The following NCKAP5 variants were observed in gnomAD, a reference collection of about 807,000 sequenced individuals.
NCKAP5 encodes NCK associated protein 5.
NCKAP5 carries 92 observed loss-of-function variants against 167.0 expected under a neutral mutation model. The ratio of observed to expected loss-of-function variants is 0.55; its 90% CI spans 0.47 to 0.66. The LOEUF (loss-of-function observed/expected upper bound fraction) is 0.66. Among genes scored for constraint, NCKAP5 ranks in the 30% least tolerant of loss-of-function variants. The pLI is 0.00. For missense variants in NCKAP5, 2,378 were observed against 2,315.0 expected (o/e 1.03, Z -0.56); for synonymous variants, 891 against 877.4 (o/e 1.02, Z -0.27).
chr2:133,345,720 C>T (rs567607369), intron 3 of NCKAP5, among the ~76,000 whole-genome samples: 1 of 152,176 alleles, frequency 6.6e-6, no homozygotes, highest in South Asian at 2.1e-4. Flanking sequence ...TTGTGATCTG[C>T]TTGTGGGGTG....
At chr2:133,561,561 T>C (rs1688160198) in intron 1 of NCKAP5, among the ~76,000 whole-genome samples, 1 of 152,192 alleles carries the variant, frequency 6.6e-6, no homozygotes, top group African/African-American at 2.4e-5. Context: ...TTCATGAGAC[T>C]ATAAAACCAA....
At chr2:133,374,434 C>T (rs181505359) in intron 3 of NCKAP5, among the ~76,000 whole-genome samples, 9 of 152,268 alleles carry the variant, frequency 5.9e-5, no homozygotes, top group Non-Finnish European at 1.0e-4. Context: ...ATTTGTCCAA[C>T]TCATAGAATG....
intron 6 of NCKAP5, among the ~76,000 whole-genome samples, chr2:133,031,727 A>G (rs547233701): frequency 6.6e-6 from 1 of 151,980 alleles, no homozygotes; most frequent in East Asian, 1.9e-4. Flanking sequence ...TGAGGAGAGG[A>G]GAGGGAAGAG....
chr2:132,808,313 G>A (rs1314405344), intron 11 of NCKAP5, among the ~76,000 whole-genome samples: 1 of 152,010 alleles, frequency 6.6e-6, no homozygotes, highest in African/African-American at 2.4e-5. Context: ...GTTTCTTGTG[G>A]AATAGTGTCA....
the NCKAP5 span, among the ~76,000 whole-genome samples, chr2:133,585,256 T>C: frequency 6.6e-6 from 1 of 152,242 alleles, no homozygotes; most frequent in Non-Finnish European, 1.5e-5. Flanking sequence ...ATACAAACTA[T>C]GTCCTAGGAC....
chr2:133,275,846 T>G (rs974742532), intron 4 of NCKAP5, among the ~76,000 whole-genome samples: 1 of 150,618 alleles, frequency 6.6e-6, no homozygotes, highest in Non-Finnish European at 1.5e-5. Flanking sequence ...AACTTAATCA[T>G]GAAAAAAATG....
At chr2:133,530,793 C>A (rs1685299679) in intron 2 of NCKAP5, among the ~76,000 whole-genome samples, 1 of 152,110 alleles carries the variant, frequency 6.6e-6, no homozygotes, top group Non-Finnish European at 1.5e-5. Flanking sequence ...CTCTATGAAC[C>A]CTCAGGCTAT....
chr2:132,774,274 A>G (rs906472682), intron 15 of NCKAP5, among the ~76,000 whole-genome samples: 1 of 152,230 alleles, frequency 6.6e-6, no homozygotes, highest in Non-Finnish European at 1.5e-5. Flanking sequence ...CTAACGAGGT[A>G]TAATTCCTCC....
chr2:133,417,452 G>A (rs139287402), intron 3 of NCKAP5, among the ~76,000 whole-genome samples: 50 of 152,318 alleles, frequency 3.3e-4, no homozygotes, highest in Admixed American at 7.2e-4. Flanking sequence ...TTTATTTTGC[G>A]AGCACAGTGG....
chr2:133,276,416 A>G (rs750508759), intron 4 of NCKAP5, among the ~76,000 whole-genome samples: 17 of 152,150 alleles, frequency 1.1e-4, no homozygotes, highest in Non-Finnish European at 2.9e-5. Flanking sequence ...GGAACTAACT[A>G]CAGAAACAAA....
intron 11 of NCKAP5, among the ~76,000 whole-genome samples, chr2:132,802,042 T>C (rs7606248): frequency 0.64 from 97,273 of 152,108 alleles, 32,403 homozygotes; most frequent in East Asian, 0.9. Flanking sequence ...ACTCCCGAAG[T>C]GCTAGGATTA....
chr2:132,947,728 A>G (rs774621286), intron 8 of NCKAP5, among the ~76,000 whole-genome samples: 6 of 152,134 alleles, frequency 3.9e-5, no homozygotes, highest in Non-Finnish European at 5.9e-5. Context: ...TAGAGAGGAC[A>G]CTTGTTTTCT....
In NCKAP5 at chr2:132,783,089, T is replaced by C. The variant is rs773046809; in HGVS notation, c.3722A>G (p.Asp1241Gly). ...TCTATTATCTACCCCATCCCTTCCA[T>C]CACTCCCAGGGATGCTACTTTCCAA... ...EPLESSIPGSDGRDGVDNRSM... is the reference protein window; with the variant it reads ...EPLESSIPGSGGRDGVDNRSM... Residue 1241 changes from aspartate to glycine, a missense_variant, in exon 14 of 20, where the codon GAT becomes GGT. This residue lies in a region of NCKAP5 where 1,325 missense variants were observed against 1,274.5 expected (regional missense o/e 1.04). Coordinates refer to ENST00000409261, the MANE Select transcript of NCKAP5 (RefSeq NM_207363.3). 1.2e-6 allele frequency: 2 copies of C among 1,613,840 alleles called. No individual in the cohort carries two copies. The highest frequency in any genetic ancestry group is 3.3e-5 in the Admixed American group (2 of 59,982).
At chr2:133,343,508 T>TA (rs1402331220) in intron 3 of NCKAP5, among the ~76,000 whole-genome samples, 8 of 151,506 alleles carry the variant, frequency 5.3e-5, no homozygotes, top group East Asian at 1.9e-4. Flanking sequence ...GGGCAAAAAT[T>TA]AAAAAAAAAT....
chr2:133,498,436 AAGGAAG>A (rs1559528888), intron 3 of NCKAP5, among the ~76,000 whole-genome samples: 1 of 83,398 alleles, frequency 1.2e-5, no homozygotes, highest in South Asian at 4.9e-4. Flanking sequence ...AGAAAAACGG[AAGGAAG>A]GAAGGAAGGA....
chr2:132,933,140 T>C (rs1294389549), intron 8 of NCKAP5, among the ~76,000 whole-genome samples: 1 of 152,138 alleles, frequency 6.6e-6, no homozygotes, highest in Non-Finnish European at 1.5e-5. Context: ...TTAGCCAGGA[T>C]GGTCTCGATC....
At chr2:132,789,527 T>C (rs976028917) in intron 13 of NCKAP5, among the ~76,000 whole-genome samples, 4 of 152,204 alleles carry the variant, frequency 2.6e-5, no homozygotes, top group African/African-American at 9.6e-5. Flanking sequence ...TTTATACAAA[T>C]GGTAGAAAAA....
intron 3 of NCKAP5, among the ~76,000 whole-genome samples, chr2:133,357,305 AC>A (rs2150847369): frequency 6.6e-6 from 1 of 151,416 alleles, no homozygotes; most frequent in Admixed American, 6.6e-5. Flanking sequence ...ACACACACAC[AC>A]ACACACACAC....
chr2:132,883,154 A>G (rs1463758674), intron 8 of NCKAP5, among the ~76,000 whole-genome samples: 4 of 150,166 alleles, frequency 2.7e-5, no homozygotes, highest in Non-Finnish European at 5.9e-5. Flanking sequence ...ATGAGCTATG[A>G]TTGTGCCACT....
Sources: allele counts gnomAD v4.1 joint callset (sites outside exome capture counted in the v4.1 genomes callset), GRCh38; gene constraint gnomAD v4.1.1; regional missense constraint gnomAD v4.1.1; transcripts MANE v1.5; gene names NCBI Gene and HGNC (gene_info 2026-07-23, HGNC 2026-07-21).